The following RBFOX3 variants were observed in gnomAD, a reference collection of about 807,000 sequenced individuals.
The protein encoded by RBFOX3 is RNA binding fox-1 homolog 3, also known as RNA binding protein fox-1 homolog 3.
A neutral mutation model predicts 48.7 loss-of-function variants in RBFOX3; 17 were observed. That is an observed-to-expected ratio of 0.35 (90% CI 0.24 to 0.52). The LOEUF (loss-of-function observed/expected upper bound fraction) is 0.52. Among genes scored for constraint, RBFOX3 ranks in the 20% least tolerant of loss-of-function variants. The pLI is 0.94. For synonymous variants in RBFOX3, 212 were observed against 209.5 expected, an observed-to-expected ratio of 1.01 and a Z score of -0.10; for missense variants, 382 against 497.5, an observed-to-expected ratio of 0.77 and a Z score of 2.21.
chr17:79,451,367 T>C (rs545324291), intron 2 of RBFOX3, among the ~76,000 whole-genome samples: 30 of 152,188 alleles, frequency 2.0e-4, no homozygotes, highest in Non-Finnish European at 4.1e-4. Flanking sequence ...GGGAAGACGT[T>C]GTCACCTCCG....
intron 3 of RBFOX3, among the ~76,000 whole-genome samples, chr17:79,272,255 T>C (rs2377393): frequency 0.63 from 96,416 of 152,032 alleles, 30,921 homozygotes; most frequent in East Asian, 0.8. Context: ...GGCGGGGGGC[T>C]CTGCTGATCT....
chr17:79,303,968 T>A (rs1029788816), intron 3 of RBFOX3, among the ~76,000 whole-genome samples: 2 of 152,154 alleles, frequency 1.3e-5, no homozygotes, highest in African/African-American at 4.8e-5. Context: ...CACCACCCGC[T>A]ATGGAGCTGC....
intron 1 of RBFOX3, among the ~76,000 whole-genome samples, chr17:79,591,885 G>A (rs1015556485): frequency 4.4e-4 from 67 of 151,092 alleles, no homozygotes; most frequent in African/African-American, 1.5e-3. Flanking sequence ...ATGTGCACGT[G>A]TGGAGGGTGT....
intron 2 of RBFOX3, among the ~76,000 whole-genome samples, chr17:79,370,230 C>A (rs1183835308): frequency 6.6e-6 from 1 of 152,230 alleles, no homozygotes; most frequent in Non-Finnish European, 1.5e-5. Context: ...CAGATAGATT[C>A]CCCAAGGAAG....
intron 4 of RBFOX3, among the ~76,000 whole-genome samples, chr17:79,157,829 A>AT (rs1191683907): frequency 2.0e-5 from 3 of 152,232 alleles, no homozygotes; most frequent in South Asian, 4.1e-4. Context: ...CAGATGAACA[A>AT]TGAGTGCTGC....
At chr17:79,211,343 G>A (rs984212341) in intron 4 of RBFOX3, among the ~76,000 whole-genome samples, 5 of 152,214 alleles carry the variant, frequency 3.3e-5, no homozygotes, top group Middle Eastern at 3.2e-3. Context: ...CCTCCTGCCC[G>A]CTCAGCCTCC....
At chr17:79,528,019 CT>C (rs1483196191) in intron 1 of RBFOX3, among the ~76,000 whole-genome samples, 1 of 152,254 alleles carries the variant, frequency 6.6e-6, no homozygotes, top group Non-Finnish European at 1.5e-5. Context: ...CTGAGTACCT[CT>C]GAGGAGAATC....
intron 1 of RBFOX3, among the ~76,000 whole-genome samples, chr17:79,579,797 C>T (rs1217185334): frequency 1.7e-5 from 2 of 119,302 alleles, no homozygotes; most frequent in African/African-American, 3.3e-5. Context: ...GTGTCACTGG[C>T]GCCATGGTGG....
At chr17:79,336,936 A>G (rs554374574) in intron 2 of RBFOX3, among the ~76,000 whole-genome samples, 3 of 152,268 alleles carry the variant, frequency 2.0e-5, no homozygotes, top group African/African-American at 7.2e-5. Context: ...CCTGGCGAAC[A>G]TGGTGAAACC....
chr17:79,369,959 C>T (rs928483848), intron 2 of RBFOX3, among the ~76,000 whole-genome samples: 2 of 152,170 alleles, frequency 1.3e-5, no homozygotes, highest in Non-Finnish European at 2.9e-5. Context: ...TGCAGGTGCA[C>T]ATTTCTCCTC....
chr17:79,342,978 G>GAA (rs2082329595), intron 2 of RBFOX3, among the ~76,000 whole-genome samples: 2 of 146,668 alleles, frequency 1.4e-5, no homozygotes, highest in African/African-American at 5.0e-5. Context: ...AAGAGAAAGA[G>GAA]CGAGAGAGAG....
chr17:79,461,871 G>C (rs1430527899), intron 2 of RBFOX3, among the ~76,000 whole-genome samples: 1 of 144,628 alleles, frequency 6.9e-6, no homozygotes, highest in African/African-American at 2.9e-5. Flanking sequence ...GCTGAGGAAC[G>C]CCATGGGTGG....
At chr17:79,552,746 C>T (rs2091274444) in intron 1 of RBFOX3, among the ~76,000 whole-genome samples, 4 of 152,190 alleles carry the variant, frequency 2.6e-5, no homozygotes, top group African/African-American at 7.2e-5. Context: ...GCATTTTGCA[C>T]ATTTCTTGTT....
intron 1 of RBFOX3, among the ~76,000 whole-genome samples, chr17:79,585,845 G>A (rs1012603041): frequency 2.0e-5 from 3 of 152,198 alleles, no homozygotes; most frequent in South Asian, 2.1e-4. Flanking sequence ...GATGGGCTCC[G>A]TGGGGCCGGG....
At chr17:79,404,064 C>A (rs1395041530) in intron 2 of RBFOX3, among the ~76,000 whole-genome samples, 1 of 152,224 alleles carries the variant, frequency 6.6e-6, no homozygotes, top group African/African-American at 2.4e-5. Context: ...AGGCGTGAAC[C>A]ACCACACCCG....
At chr17:79,286,124 T>C (rs2071811008) in intron 3 of RBFOX3, among the ~76,000 whole-genome samples, 1 of 152,168 alleles carries the variant, frequency 6.6e-6, no homozygotes, top group South Asian at 2.1e-4. Flanking sequence ...GCAGAGTCTA[T>C]TGCAAATAAA....
intron 4 of RBFOX3, among the ~76,000 whole-genome samples, chr17:79,174,952 C>T (rs2050215778): frequency 6.6e-6 from 1 of 152,234 alleles, no homozygotes. Context: ...GTTCCTCCTT[C>T]CCCTGCTTGC....
rs570823527 is a variant in RBFOX3 at position 79,252,393 on chromosome 17, G to A, written c.-73-16588C>T. Among the ~76,000 whole-genome samples, 1 of 152,274 alleles carries A rather than the reference G, an allele frequency of 6.6e-6. No individual in the cohort carries two copies. The highest frequency in any genetic ancestry group is 1.5e-5 in the Non-Finnish European group (1 of 68,032). The stretch of plus-strand genomic sequence containing the variant: ...CTAGCTCAGTGGTCCCTATTTCAGT[G>A]AATGGATCTATCACCCGTCCAAGTG... On this transcript the variant is annotated intron_variant, in intron 3 of 14. Transcript: ENST00000693108. The surrounding 1 kb of genome is among the most constrained non-coding windows in gnomAD (Gnocchi z 4.0).
rs975960128 is a variant in RBFOX3 at position 79,205,339 on chromosome 17, C to T, written c.-34+30427G>A. Among the ~76,000 whole-genome samples, 10 of 152,116 alleles carry T rather than the reference C, an allele frequency of 6.6e-5. No individual in the cohort carries two copies. Among genetic ancestry groups the T allele is most frequent in the African/African-American group, 2.4e-4 (10 of 41,408 alleles). On this transcript the variant is annotated intron_variant, in intron 4 of 14. Transcript: ENST00000693108. This position sits in a 1 kb window ranked among gnomAD's most constrained non-coding sequence, Gnocchi z 4.5. ...CCCAGGGATATATGACATCCTGAAC[C>T]ACATCCATCTTACAGCAGGTCTGTC...
Sources: gnomAD v4.1 joint callset for allele counts (sites outside exome capture counted in the v4.1 genomes callset) on GRCh38, gnomAD v4.1.1 for gene constraint, Gnocchi (gnomAD v3.1) non-coding constraint, MANE v1.5 for transcripts, NCBI Gene and HGNC (gene_info 2026-07-23, HGNC 2026-07-21) for gene names.